The following BMPR1B variants were observed in gnomAD, a reference collection of about 807,000 sequenced individuals.
BMPR1B encodes the protein bone morphogenetic protein receptor type 1B.
A neutral mutation model predicts 59.1 loss-of-function variants in BMPR1B; 12 were observed. The ratio of observed to expected loss-of-function variants is 0.20; its 90% CI spans 0.13 to 0.33. The LOEUF (loss-of-function observed/expected upper bound fraction) is 0.33. Ranked by LOEUF, BMPR1B falls within the 10% of genes least tolerant of loss-of-function variation. The pLI, the probability that BMPR1B is intolerant of heterozygous loss-of-function variation, is 1.00. For missense variants in BMPR1B, 550 were observed against 610.9 expected, an observed-to-expected ratio of 0.90 and a Z score of 1.05; for synonymous variants, 237 against 207.3, an observed-to-expected ratio of 1.14 and a Z score of -1.23.
At chr4:94,953,026 T>A (rs2149056950) in intron 2 of BMPR1B, among the ~76,000 whole-genome samples, 1 of 152,344 alleles carries the variant, frequency 6.6e-6, no homozygotes, top group East Asian at 1.9e-4. Flanking sequence ...ACCTTCTTTG[T>A]CTCTTTTGAT....
intron 1 of BMPR1B, among the ~76,000 whole-genome samples, chr4:94,758,294 G>GA (rs1721607861): frequency 6.6e-6 from 1 of 151,168 alleles, no homozygotes. Flanking sequence ...CGGCGGCGGG[G>GA]AGGGGGTCAG....
intron 2 of BMPR1B, among the ~76,000 whole-genome samples, chr4:94,893,956 T>G (rs1727493044): frequency 6.6e-6 from 1 of 152,004 alleles, no homozygotes; most frequent in South Asian, 2.1e-4. Flanking sequence ...CTTGAGAAAC[T>G]TGTCATGTTA....
At position 95,026,132 on chromosome 4, in the gene BMPR1B, T is replaced by TTCTTTCTTTCTTTC. The variant is rs1421527739; in HGVS notation, c.-18+30000_-18+30013dup. ...TTTCTTTCTTTCTTTCTTTCTTTCT[T>TTCTTTCTTTCTTTC]TCTTTCTTTCTTTCTTTCTTTCTTT... On this transcript the variant is annotated intron_variant, in intron 3 of 12. Coordinates refer to ENST00000515059, the MANE Select transcript of BMPR1B (RefSeq NM_001203.3). Among the ~76,000 whole-genome samples, 3 of 148,758 alleles carry TTCTTTCTTTCTTTC rather than the reference T, an allele frequency of 2.0e-5. No individual in the cohort carries two copies. The East Asian group carries it at 5.9e-4, about 29-fold the overall frequency.
chr4:94,954,248 C>T (rs1730058162), intron 2 of BMPR1B, among the ~76,000 whole-genome samples: 1 of 152,168 alleles, frequency 6.6e-6, no homozygotes, highest in Non-Finnish European at 1.5e-5. Flanking sequence ...ACAGTTCTCG[C>T]TCATTACTAT....
At chr4:95,002,451 G>A (rs1330044790) in intron 3 of BMPR1B, among the ~76,000 whole-genome samples, 5 of 152,198 alleles carry the variant, frequency 3.3e-5, no homozygotes, top group African/African-American at 1.2e-4. Context: ...ATGAGTGCAT[G>A]TGTCTTTTGG....
chr4:95,107,500 C>T (rs1731273204), intron 4 of BMPR1B, among the ~76,000 whole-genome samples: 1 of 151,958 alleles, frequency 6.6e-6, no homozygotes, highest in Admixed American at 6.6e-5. Flanking sequence ...CTCAAAAGAA[C>T]ATAGATATAC....
chr4:94,865,454 C>T (rs1726183267), intron 1 of BMPR1B, among the ~76,000 whole-genome samples: 2 of 149,548 alleles, frequency 1.3e-5, no homozygotes, highest in South Asian at 4.3e-4. Flanking sequence ...ACAGTGGTTC[C>T]ATATCAGCTC....
intron 1 of BMPR1B, among the ~76,000 whole-genome samples, chr4:94,854,253 A>G (rs576379280): frequency 6.6e-6 from 1 of 152,312 alleles, no homozygotes; most frequent in South Asian, 2.1e-4. Context: ...GATTATATGA[A>G]AATAATTTTA....
At chr4:95,027,796 A>G (rs1379392792) in intron 3 of BMPR1B, among the ~76,000 whole-genome samples, 1 of 152,192 alleles carries the variant, frequency 6.6e-6, no homozygotes, top group Non-Finnish European at 1.5e-5. Flanking sequence ...TGTATTTTTC[A>G]ATATGTTCCA....
intron 2 of BMPR1B, among the ~76,000 whole-genome samples, chr4:94,992,065 C>T (rs1721792502): frequency 6.6e-6 from 1 of 152,186 alleles, no homozygotes; most frequent in Non-Finnish European, 1.5e-5. Flanking sequence ...CAAAGTTGCC[C>T]TCTCCTCCCA....
At chr4:95,083,985 C>T (rs931493931) in intron 3 of BMPR1B, among the ~76,000 whole-genome samples, 1 of 152,054 alleles carries the variant, frequency 6.6e-6, no homozygotes, top group Non-Finnish European at 1.5e-5. Context: ...TCACTTTTGG[C>T]TGTATGTCCT....
intron 3 of BMPR1B, among the ~76,000 whole-genome samples, chr4:95,032,689 T>C (rs1486191170): frequency 2.6e-5 from 4 of 152,192 alleles, no homozygotes; most frequent in African/African-American, 7.2e-5. Flanking sequence ...TGTTGTAGTA[T>C]GTGTCAGAAT....
rs1735434550 is a variant in BMPR1B, at chr4:95,156,546, T to C, written c.*1873T>C. 1 of 152,098 alleles carries C rather than the reference T, an allele frequency of 6.6e-6. No individual in the cohort carries two copies. The highest frequency in any genetic ancestry group is 1.5e-5 in the Non-Finnish European group (1 of 67,996). The allele number at this position is 152,098 out of a possible 1,614,324, so 9.4% of individuals were successfully genotyped here. The stretch of plus-strand genomic sequence containing the variant: ...AGACTTTGTGAGCTGTGCTTACAGT[T>C]TGGGAGAATCATGAAGATTCTTTCT... On this transcript the variant is annotated 3_prime_UTR_variant, in exon 13 of 13. Transcript: ENST00000515059.
intron 1 of BMPR1B, among the ~76,000 whole-genome samples, chr4:94,808,314 A>G (rs1345287125): frequency 6.6e-6 from 1 of 152,190 alleles, no homozygotes; most frequent in Non-Finnish European, 1.5e-5. Context: ...TAGGTATTTT[A>G]GTCTATACCT....
At chr4:95,059,629 G>A (rs1390778450) in intron 3 of BMPR1B, among the ~76,000 whole-genome samples, 1 of 106,890 alleles carries the variant, frequency 9.4e-6, no homozygotes, top group East Asian at 3.9e-4. Context: ...ACCTATTATG[G>A]TAAAAAAAAC....
At chr4:94,969,287 G>A (rs1250656265) in intron 2 of BMPR1B, among the ~76,000 whole-genome samples, 1 of 151,942 alleles carries the variant, frequency 6.6e-6, no homozygotes, top group Non-Finnish European at 1.5e-5. Context: ...TGCCCGACCC[G>A]GCCTCCCAAA....
At chr4:94,936,611 G>A (rs1181110732) in intron 2 of BMPR1B, among the ~76,000 whole-genome samples, 1 of 152,144 alleles carries the variant, frequency 6.6e-6, no homozygotes, top group Non-Finnish European at 1.5e-5. Context: ...AGTTTCCAGT[G>A]TAGGCTTTAA....
In BMPR1B at chr4:94,945,116, G is replaced by A. The variant is rs191058804; in HGVS notation, c.-112-50924G>A. ...GGAAAACAGGGGCAACGGCCATTTA[G>A]CACATTGGCTAAGAAGGTTTTCTTT... On this transcript the variant is annotated intron_variant, in intron 2 of 12. Coordinates refer to ENST00000515059, the MANE Select transcript of BMPR1B (RefSeq NM_001203.3). Among the ~76,000 whole-genome samples the A allele has an allele frequency of 2.2e-3, 332 of 152,282 alleles. 1 individual carries two copies. The highest frequency in any genetic ancestry group is 3.2e-3 in the Non-Finnish European group (218 of 68,034).
intron 1 of BMPR1B, among the ~76,000 whole-genome samples, chr4:94,782,130 A>G (rs1238437186): frequency 1.3e-5 from 2 of 149,390 alleles, no homozygotes; most frequent in African/African-American, 2.5e-5. Flanking sequence ...TTACATATAT[A>G]TGTGCTTAAT....
Sources: allele counts gnomAD v4.1 joint callset (sites outside exome capture counted in the v4.1 genomes callset), GRCh38; gene constraint gnomAD v4.1.1; transcripts MANE v1.5; gene names NCBI Gene and HGNC (gene_info 2026-07-23, HGNC 2026-07-21).